SMG6: variants seen among roughly 807,000 people sequenced by gnomAD.
The protein encoded by SMG6 is telomerase-binding protein EST1A.
Under a neutral mutation model 142.2 loss-of-function variants are expected in SMG6, and 66 were observed. The ratio of observed to expected loss-of-function variants is 0.46; its 90% CI spans 0.38 to 0.57. SMG6 has a LOEUF of 0.57. Among genes scored for constraint, SMG6 ranks in the 20% least tolerant of loss-of-function variants. The probability of loss-of-function intolerance (pLI) is 0.00; values close to 1 mark genes in which losing one functional copy is unlikely to be tolerated. For synonymous variants in SMG6, 779 were observed against 702.4 expected, an observed-to-expected ratio of 1.11 and a Z score of -1.72; for missense variants, 1,793 against 1,832.0, an observed-to-expected ratio of 0.98 and a Z score of 0.39.
In SMG6 at chr17:2,300,523, T is replaced by A; in HGVS notation, c.230A>T (p.Glu77Val). 5 of 1,614,130 alleles carry A rather than the reference T, an allele frequency of 3.1e-6. No homozygotes were observed. The highest frequency in any genetic ancestry group is 4.2e-6 in the Non-Finnish European group (5 of 1,179,994). The change falls in exon 2 of 19, where the codon GAA becomes GTA. Residue 77 changes from glutamate (E) to valine (V), a missense_variant. By Grantham distance (121) the Glu-to-Val change is moderately radical. Around this residue, in one of 3 missense-constraint regions of SMG6, gnomAD observed 1,597 missense variants for 1,584.6 expected, o/e 1.01. Coordinates refer to ENST00000263073, the MANE Select transcript of SMG6 (RefSeq NM_017575.5). ...EPPGSEEFKDEIVNDRDCSAV... is the reference protein window; with the variant it reads ...EPPGSEEFKDVIVNDRDCSAV... The stretch of plus-strand genomic sequence containing the variant: ...AGAGCAATCTCGGTCATTAACAATT[T>A]CATCTTTGAATTCCTCACTCCCAGG...
intron 13 of SMG6, among the ~76,000 whole-genome samples, chr17:2,149,873 G>A (rs1313678058): frequency 6.6e-6 from 1 of 152,214 alleles, no homozygotes; most frequent in Admixed American, 6.5e-5. Flanking sequence ...GGACTTTAAT[G>A]TTTCCACCGG....
chr17:2,252,406 A>AG (rs1567719593), intron 8 of SMG6, among the ~76,000 whole-genome samples: 1 of 151,350 alleles, frequency 6.6e-6, no homozygotes, highest in Non-Finnish European at 1.5e-5. Flanking sequence ...CTCAAAAAAA[A>AG]TAAAGAAAAG....
Position 2,085,424 on chromosome 17 carries a change from C to CT in SMG6, c.3534+300dup, listed in dbSNP as rs2068532903. 6.6e-6 allele frequency among the ~76,000 whole-genome samples: 1 copy of CT among 152,186 alleles called. No individual in the cohort carries two copies. The highest frequency in any genetic ancestry group is 1.5e-5 in the Non-Finnish European group (1 of 68,030). ...TATAAACTTGATCCTGACCACCCCC[C>CT]TCTCCCTTTCCTAAGCCTCGAGAGC... On this transcript the variant is annotated intron_variant, in intron 14 of 18. Transcript: ENST00000263073. The surrounding 1 kb of genome is among the most constrained non-coding windows in gnomAD (Gnocchi z 4.1).
At chr17:2,146,601 C>T (rs763698987) in intron 13 of SMG6, among the ~76,000 whole-genome samples, 1 of 152,142 alleles carries the variant, frequency 6.6e-6, no homozygotes, top group African/African-American at 2.4e-5. Flanking sequence ...AGTGCGGTGG[C>T]GTGATCTCAG....
chr17:2,099,039 AGTGT>A (rs1212264784), intron 13 of SMG6, among the ~76,000 whole-genome samples: 1 of 152,062 alleles, frequency 6.6e-6, no homozygotes, highest in Non-Finnish European at 1.5e-5. Context: ...GGGAGGCACT[AGTGT>A]GTGTGTTTGT....
At chr17:2,223,533 C>G (rs2073235817) in intron 10 of SMG6, among the ~76,000 whole-genome samples, 1 of 152,090 alleles carries the variant, frequency 6.6e-6, no homozygotes, top group Non-Finnish European at 1.5e-5. Context: ...CACAGAGAAC[C>G]CTGACTAATG....
At chr17:2,063,630 T>C (rs915561434) in intron 18 of SMG6, among the ~76,000 whole-genome samples, 1 of 152,256 alleles carries the variant, frequency 6.6e-6, no homozygotes, top group African/African-American at 2.4e-5. Flanking sequence ...CAATCCCGCC[T>C]ACCTTTCTCT....
At chr17:2,212,256 T>C (rs1434771391) in intron 10 of SMG6, among the ~76,000 whole-genome samples, 4 of 149,160 alleles carry the variant, frequency 2.7e-5, no homozygotes, top group East Asian at 3.9e-4. Flanking sequence ...AAAACTGTTA[T>C]GGAAAGAGAC....
In SMG6 at chr17:2,134,419, C is replaced by CAAAAA. The variant is rs58429166; in HGVS notation, c.3357+38234_3357+38238dup. Among the ~76,000 whole-genome samples, 197 of 28,722 alleles carry CAAAAA rather than the reference C, an allele frequency of 6.9e-3. 47 individuals are homozygous for CAAAAA. Among genetic ancestry groups the CAAAAA allele is most frequent in the African/African-American group, 0.022 (128 of 5,886 alleles). 18.8% of individuals were successfully genotyped at this position (28,722 alleles called of 152,430 possible). On this transcript the variant is annotated intron_variant, in intron 13 of 18. Coordinates refer to ENST00000263073, the MANE Select transcript of SMG6 (RefSeq NM_017575.5). ...GGGCGATAAGAGCGAGACTCCATCT[C>CAAAAA]AAAAAAAAAAAAAAAAAAAAAAAAA...
intron 8 of SMG6, among the ~76,000 whole-genome samples, chr17:2,251,405 G>T (rs2074043268): frequency 6.6e-6 from 1 of 152,110 alleles, no homozygotes; most frequent in South Asian, 2.1e-4. Context: ...AACCGGGATG[G>T]CAACAGCTCT....
intron 6 of SMG6, among the ~76,000 whole-genome samples, chr17:2,289,600 T>C (rs1278617650): frequency 6.6e-6 from 1 of 151,998 alleles, no homozygotes; most frequent in Admixed American, 6.6e-5. Flanking sequence ...AGAGGATAAA[T>C]TCTATGAGTA....
At chr17:2,271,749 T>C (rs1035682942) in intron 8 of SMG6, among the ~76,000 whole-genome samples, 5 of 151,890 alleles carry the variant, frequency 3.3e-5, no homozygotes, top group Admixed American at 2.0e-4. Flanking sequence ...AAGCTGTAAA[T>C]TTTTTTTAAT....
At chr17:2,118,384 C>G (rs2069573977) in intron 13 of SMG6, among the ~76,000 whole-genome samples, 1 of 152,100 alleles carries the variant, frequency 6.6e-6, no homozygotes, top group Non-Finnish European at 1.5e-5. Context: ...ACTAAAAATA[C>G]AAAAATTAGC....
chr17:2,293,526 G>A (rs751572397), intron 4 of SMG6, among the ~76,000 whole-genome samples: 1 of 152,054 alleles, frequency 6.6e-6, no homozygotes. Context: ...CTGGAGTGTA[G>A]TGGCGTGATC....
At chr17:2,273,239 G>C (rs1187365978) in intron 8 of SMG6, among the ~76,000 whole-genome samples, 1 of 152,204 alleles carries the variant, frequency 6.6e-6, no homozygotes, top group Non-Finnish European at 1.5e-5. Context: ...TAACTGGTCA[G>C]GTGTGGTGGC....
intron 10 of SMG6, among the ~76,000 whole-genome samples, chr17:2,224,712 A>G (rs1049905189): frequency 7.2e-5 from 11 of 151,996 alleles, no homozygotes; most frequent in Non-Finnish European, 1.5e-4. Context: ...CAAAACTGAT[A>G]GGAAAACCAA....
At chr17:2,282,579 C>T in intron 8 of SMG6, 68 bp downstream of exon 8, 1 of 1,489,404 alleles carries the variant, frequency 6.7e-7, no homozygotes, top group Non-Finnish European at 9.3e-7. Context: ...TGCCTCACAG[C>T]TGTATGAACC....
intron 13 of SMG6, among the ~76,000 whole-genome samples, chr17:2,107,554 G>A (rs572612322): frequency 6.6e-6 from 1 of 152,270 alleles, no homozygotes; most frequent in Non-Finnish European, 1.5e-5. Context: ...GGGCCTCTAG[G>A]TAGCTGATGA....
chr17:2,187,937 A>G (rs554612915), intron 11 of SMG6, among the ~76,000 whole-genome samples: 23 of 152,312 alleles, frequency 1.5e-4, no homozygotes, highest in African/African-American at 5.5e-4. Context: ...GATATGGGAT[A>G]CTGTCTCAAC....
Sources: allele counts gnomAD v4.1 joint callset (sites outside exome capture counted in the v4.1 genomes callset), GRCh38; gene constraint gnomAD v4.1.1; regional missense constraint gnomAD v4.1.1; non-coding constraint Gnocchi (gnomAD v3.1); transcripts MANE v1.5; gene names NCBI Gene and HGNC (gene_info 2026-07-23, HGNC 2026-07-21).